RUNX2: variants seen among roughly 807,000 people sequenced by gnomAD.
The protein encoded by RUNX2 is runt-related transcription factor 2.
A neutral mutation model predicts 51.7 loss-of-function variants in RUNX2; 10 were observed. The ratio of observed to expected loss-of-function variants is 0.19; its 90% CI spans 0.12 to 0.33. The LOEUF is 0.33. Ranked by LOEUF, RUNX2 falls within the 10% of genes least tolerant of loss-of-function variation. The pLI, the probability that RUNX2 is intolerant of heterozygous loss-of-function variation, is 1.00. For synonymous variants in RUNX2, 276 were observed against 273.6 expected, an observed-to-expected ratio of 1.01 and a Z score of -0.09; for missense variants, 562 against 691.3, an observed-to-expected ratio of 0.81 and a Z score of 2.10.
At chr6:45,515,627 T>A (rs1404371559) in intron 7 of RUNX2, among the ~76,000 whole-genome samples, 1 of 152,198 alleles carries the variant, frequency 6.6e-6, no homozygotes, top group Non-Finnish European at 1.5e-5. Flanking sequence ...ATTATCTAAA[T>A]AAGTTAATAC....
chr6:45,519,283 A>G (rs1801426475), intron 7 of RUNX2, among the ~76,000 whole-genome samples: 2 of 152,198 alleles, frequency 1.3e-5, no homozygotes, highest in African/African-American at 4.8e-5. Context: ...AGCAGAATGT[A>G]TAGTTTCTTA....
chr6:45,352,816 T>A (rs1273826750), intron 2 of RUNX2, among the ~76,000 whole-genome samples: 1 of 152,102 alleles, frequency 6.6e-6, no homozygotes, highest in Non-Finnish European at 1.5e-5. Context: ...ATTGCATAGA[T>A]ATCTACATAT....
intron 2 of RUNX2, among the ~76,000 whole-genome samples, chr6:45,341,366 T>C (rs2150134478): frequency 6.6e-6 from 1 of 152,294 alleles, no homozygotes; most frequent in South Asian, 2.1e-4. Flanking sequence ...TGTTTGGGGA[T>C]CTATGAATCT....
intron 2 of RUNX2, among the ~76,000 whole-genome samples, chr6:45,342,302 AC>A (rs1789957473): frequency 6.6e-6 from 1 of 151,986 alleles, no homozygotes; most frequent in Non-Finnish European, 1.5e-5. Flanking sequence ...TCGCTCTGTC[AC>A]CAGGCTGGAG....
At chr6:45,409,585 C>T (rs1050367238) in intron 2 of RUNX2, among the ~76,000 whole-genome samples, 4 of 152,116 alleles carry the variant, frequency 2.6e-5, no homozygotes, top group African/African-American at 4.8e-5. Context: ...ACTATTATTT[C>T]GAGGTTTTTT....
intron 5 of RUNX2, among the ~76,000 whole-genome samples, chr6:45,462,259 T>A (rs9369562): frequency 6.6e-6 from 1 of 152,268 alleles, no homozygotes; most frequent in South Asian, 2.1e-4. Context: ...GTGAAAGTGC[T>A]GCTTGGATCC....
At chr6:45,348,458 A>G (rs1450843979) in intron 2 of RUNX2, among the ~76,000 whole-genome samples, 2 of 148,522 alleles carry the variant, frequency 1.3e-5, no homozygotes, top group Non-Finnish European at 3.0e-5. Context: ...CTTGAGGTCT[A>G]GAGTTCCAGA....
At chr6:45,345,283 C>T (rs1345908089) in intron 2 of RUNX2, among the ~76,000 whole-genome samples, 1 of 152,084 alleles carries the variant, frequency 6.6e-6, no homozygotes, top group Non-Finnish European at 1.5e-5. Context: ...ACATGTTTTC[C>T]TATTTGCTAT....
chr6:45,425,065 A>C (rs1038548007), intron 3 of RUNX2, among the ~76,000 whole-genome samples: 19 of 152,074 alleles, frequency 1.2e-4, no homozygotes, highest in Non-Finnish European at 2.4e-4. Flanking sequence ...AAAAGCCCCC[A>C]AAAACCCCAA....
intron 2 of RUNX2, among the ~76,000 whole-genome samples, chr6:45,372,884 CT>C (rs1259677997): frequency 6.6e-6 from 1 of 152,116 alleles, no homozygotes; most frequent in Non-Finnish European, 1.5e-5. Flanking sequence ...ATGGCACAAT[CT>C]TGGCTCACTG....
In RUNX2 at chr6:45,409,041, T is replaced by A. The variant is rs573575514; in HGVS notation, c.59-13552T>A. The stretch of plus-strand genomic sequence containing the variant: ...AAGCACACATATGCTCAACTTCTTT[T>A]ATGTCTAACATATCTCACAAGCCAC... On this transcript the variant is annotated intron_variant, in intron 2 of 8. Transcript: ENST00000647337. 2.0e-5 allele frequency among the ~76,000 whole-genome samples: 3 copies of A among 152,374 alleles called. No individual in the cohort carries two copies. The South Asian group carries it at 6.2e-4, about 32-fold the overall frequency.
intron 6 of RUNX2, among the ~76,000 whole-genome samples, chr6:45,506,190 C>T (rs1215051062): frequency 2.0e-5 from 3 of 152,262 alleles, no homozygotes; most frequent in Admixed American, 2.0e-4. Context: ...CTGGGTTCAT[C>T]CTCAGGGCCC....
intron 3 of RUNX2, among the ~76,000 whole-genome samples, chr6:45,430,861 C>T (rs146539796): frequency 1.1e-3 from 163 of 152,182 alleles, no homozygotes; most frequent in African/African-American, 3.7e-3. Flanking sequence ...CCTGGAAGTT[C>T]GTTGAGAGAA....
At chr6:45,357,944 C>G (rs1357655460) in intron 2 of RUNX2, among the ~76,000 whole-genome samples, 1 of 151,892 alleles carries the variant, frequency 6.6e-6, no homozygotes, top group Non-Finnish European at 1.5e-5. Flanking sequence ...AGAAACTGAA[C>G]ACATTTCTTT....
At chr6:45,359,043 G>T (rs1018241324) in intron 2 of RUNX2, among the ~76,000 whole-genome samples, 3 of 151,986 alleles carry the variant, frequency 2.0e-5, no homozygotes, top group African/African-American at 7.2e-5. Context: ...TGAATTTCAA[G>T]AATTCATTTC....
intron 7 of RUNX2, among the ~76,000 whole-genome samples, chr6:45,535,938 G>A (rs980515381): frequency 7.9e-5 from 12 of 151,940 alleles, no homozygotes; most frequent in Non-Finnish European, 1.5e-4. Context: ...AGGTAAGTTG[G>A]GACAAGATTG....
rs573907667 is a variant in RUNX2 at position 45,332,284 on chromosome 6, T to G, written c.58+3500T>G. ...GCTGCTCACATGAAAACTGTGGTAA[T>G]ATTTTTATACTGTACTTCTTTGTTG... On this transcript the variant is annotated intron_variant, in intron 2 of 8. Coordinates refer to ENST00000647337, the MANE Select transcript of RUNX2 (RefSeq NM_001024630.4). Among the ~76,000 whole-genome samples the G allele has an allele frequency of 4.6e-5, 7 of 151,862 alleles. No individual in the cohort carries two copies. In the South Asian group the frequency reaches 1.2e-3, roughly 27 times the overall value.
intron 6 of RUNX2, among the ~76,000 whole-genome samples, chr6:45,510,642 A>G (rs933438658): frequency 6.6e-6 from 1 of 152,196 alleles, no homozygotes; most frequent in African/African-American, 2.4e-5. Context: ...AAAGAATAAT[A>G]GGTGATGTGT....
chr6:45,471,686 C>T lies in RUNX2; in HGVS notation c.686-20255C>T, dbSNP rs140126230. On this transcript the variant is annotated intron_variant, in intron 5 of 8. Coordinates refer to ENST00000647337, the MANE Select transcript of RUNX2 (RefSeq NM_001024630.4). ...GTCTTGATCTCCTGACCTCGTCCTC[C>T]TCGGCCTCCCAAAGTGCTGGGATTA... 6.1e-3 allele frequency among the ~76,000 whole-genome samples: 930 copies of T among 152,254 alleles called. 6 individuals are homozygous for T. Among genetic ancestry groups the T allele is most frequent in the African/African-American group, 0.021 (863 of 41,552 alleles).
Sources: gnomAD v4.1 joint callset for allele counts (sites outside exome capture counted in the v4.1 genomes callset) on GRCh38, gnomAD v4.1.1 for gene constraint, MANE v1.5 for transcripts, NCBI Gene and HGNC (gene_info 2026-07-23, HGNC 2026-07-21) for gene names.